The following FBXO34 variants were observed in gnomAD, a reference collection of about 807,000 sequenced individuals.
FBXO34 encodes the protein F-box only protein 34.
In FBXO34, 12 loss-of-function variants were observed where a neutral mutation model predicts 24.5. The ratio of observed to expected loss-of-function variants is 0.49; its 90% CI spans 0.31 to 0.79. The LOEUF is 0.79. FBXO34 is among the 30% of genes least tolerant of loss of function. The pLI is 0.04. For missense variants in FBXO34, 823 were observed against 857.7 expected (o/e 0.96, Z 0.51); for synonymous variants, 320 against 311.9 (o/e 1.03, Z -0.27).
intron 1 of FBXO34, among the ~76,000 whole-genome samples, chr14:55,280,526 A>AATTT (rs201409175): frequency 8.3e-5 from 8 of 95,894 alleles, no homozygotes; most frequent in Non-Finnish European, 1.1e-4. Flanking sequence ...TATATCAGGA[A>AATTT]CTTTTTTTTT....
intron 1 of FBXO34, among the ~76,000 whole-genome samples, chr14:55,332,078 G>GTATAAATA (rs1883612775): frequency 1.0e-5 from 1 of 96,680 alleles, no homozygotes; most frequent in Non-Finnish European, 1.9e-5. Context: ...GTGGTGGTAT[G>GTATAAATA]TATAAATATA....
downstream of FBXO34, among the ~76,000 whole-genome samples, chr14:55,370,120 T>G (rs1001493199): frequency 6.6e-6 from 1 of 152,216 alleles, no homozygotes; most frequent in African/African-American, 2.4e-5. Flanking sequence ...ACCCAAGTTA[T>G]AAATAAAATC....
downstream of FBXO34, chr14:55,369,792 C>T: frequency 2.5e-6 from 4 of 1,614,180 alleles, no homozygotes; most frequent in Non-Finnish European, 3.4e-6. Context: ...GGCAAGTTCT[C>T]CCAGTCTGTG....
At chr14:55,435,980 T>TA in the FBXO34 span, 100,432 of 837,194 alleles carry the variant, frequency 0.12, 558 homozygotes, top group African/African-American at 0.15. Flanking sequence ...ATATAAAGAG[T>TA]AAAAAAAAAA....
chr14:55,277,777 T>G (rs1881393234), intron 1 of FBXO34, among the ~76,000 whole-genome samples: 1 of 152,230 alleles, frequency 6.6e-6, no homozygotes. Flanking sequence ...GCCTACATTT[T>G]TATTCATAAA....
the FBXO34 span, among the ~76,000 whole-genome samples, chr14:55,398,541 T>C: frequency 6.6e-6 from 1 of 152,226 alleles, no homozygotes; most frequent in African/African-American, 2.4e-5. Context: ...TTTAGAAGCA[T>C]ATTGTTTAAT....
At chr14:55,302,470 T>A (rs76781987) in intron 1 of FBXO34, among the ~76,000 whole-genome samples, 24 of 143,578 alleles carry the variant, frequency 1.7e-4, no homozygotes, top group African/African-American at 6.2e-4. Context: ...TTTTTTTTTT[T>A]AATTGAGGCA....
At chr14:55,400,909 T>TAAATAAAATA in the FBXO34 span, among the ~76,000 whole-genome samples, 3,505 of 143,308 alleles carry the variant, frequency 0.024, 147 homozygotes, top group African/African-American at 0.084. Context: ...CTCAAATAAA[T>TAAATAAAATA]AAATAAAATA....
chr14:55,289,549 C>G (rs987874776), intron 1 of FBXO34, among the ~76,000 whole-genome samples: 4 of 151,896 alleles, frequency 2.6e-5, no homozygotes, highest in Admixed American at 6.6e-5. Context: ...GTATATATGA[C>G]AGAAAGAAAG....
intron 1 of FBXO34, among the ~76,000 whole-genome samples, chr14:55,318,838 C>T (rs1323636261): frequency 6.6e-6 from 1 of 152,118 alleles, no homozygotes; most frequent in Non-Finnish European, 1.5e-5. Context: ...ACCTGGTCAT[C>T]TCACTCGCTC....
chr14:55,393,423 T>C, the FBXO34 span, among the ~76,000 whole-genome samples: 1 of 151,958 alleles, frequency 6.6e-6, no homozygotes, highest in Non-Finnish European at 1.5e-5. Context: ...ATGAATAATG[T>C]TTACTGTTGT....
At chr14:55,394,512 ACAT>A in the FBXO34 span, among the ~76,000 whole-genome samples, 1 of 152,180 alleles carries the variant, frequency 6.6e-6, no homozygotes. Flanking sequence ...CTATCTTCAC[ACAT>A]TGATAAGCTG....
chr14:55,420,282 G>C, the FBXO34 span, among the ~76,000 whole-genome samples: 1 of 152,202 alleles, frequency 6.6e-6, no homozygotes, highest in African/African-American at 2.4e-5. Context: ...TGTTGGCCAG[G>C]CTGGTCTTGA....
chr14:55,383,346 T>C, the FBXO34 span, among the ~76,000 whole-genome samples: 1 of 151,940 alleles, frequency 6.6e-6, no homozygotes, highest in African/African-American at 2.4e-5. Flanking sequence ...AGGTCAGGAA[T>C]TCGAGATCAG....
chr14:55,352,033 C>A lies in FBXO34; in HGVS notation c.1643C>A (p.Ser548Tyr). The part of the protein sequence containing the change: ...VESTLPVLEA[S>Y]SWKKQVSHDF... ...AGTACATTACCAGTGCTTGAGGCATCCAGTTGGAAGAAGCAGGTGTCGCAT... is the reference window on the plus strand; with the variant it reads ...AGTACATTACCAGTGCTTGAGGCATACAGTTGGAAGAAGCAGGTGTCGCAT... The change falls in exon 2 of 2, where the codon TCC (serine) becomes TAC (tyrosine). Residue 548 changes from serine to tyrosine, a missense_variant. Physicochemically the swap from Ser to Tyr is moderately radical, Grantham distance 144. Around this residue, in one of 2 missense-constraint regions of FBXO34, gnomAD observed 693 missense variants for 659.1 expected, o/e 1.05. Coordinates refer to ENST00000313833, the MANE Select transcript of FBXO34 (RefSeq NM_017943.4). 1 of 1,614,096 alleles carries A rather than the reference C, an allele frequency of 6.2e-7. No individual in the cohort carries two copies. The highest frequency in any genetic ancestry group is 1.3e-5 in the African/African-American group (1 of 75,004).
chr14:55,397,478 T>C, the FBXO34 span: 1 of 1,471,316 alleles, frequency 6.8e-7, no homozygotes, highest in East Asian at 2.3e-5. Context: ...GGTCATTTTT[T>C]CAGTTCAATG....
chr14:55,411,812 G>C, the FBXO34 span: 2 of 1,594,612 alleles, frequency 1.3e-6, no homozygotes, highest in Non-Finnish European at 1.7e-6. Flanking sequence ...CTTCCCACTG[G>C]GAGACGCCAT....
intron 1 of FBXO34, among the ~76,000 whole-genome samples, chr14:55,284,448 G>T (rs1284648587): frequency 6.8e-6 from 1 of 148,036 alleles, no homozygotes; most frequent in African/African-American, 2.5e-5. Context: ...GGAGGTGGAG[G>T]TTGCAGTGAG....
chr14:55,404,045 G>A, the FBXO34 span, among the ~76,000 whole-genome samples: 1 of 152,152 alleles, frequency 6.6e-6, no homozygotes. Context: ...TACCAAGGAG[G>A]AGACCCATGG....
Sources: allele counts gnomAD v4.1 joint callset (sites outside exome capture counted in the v4.1 genomes callset), GRCh38; gene constraint gnomAD v4.1.1; regional missense constraint gnomAD v4.1.1; transcripts MANE v1.5; gene names NCBI Gene and HGNC (gene_info 2026-07-23, HGNC 2026-07-21).